Variants in LGR5 observed in about 807,000 individuals in gnomAD.
LGR5 encodes leucine-rich repeat-containing G protein-coupled receptor 5.
A neutral mutation model predicts 76.7 loss-of-function variants in LGR5; 54 were observed. That is an observed-to-expected ratio of 0.70 (90% CI 0.57 to 0.88). The LOEUF is 0.88. Among genes scored for constraint, LGR5 ranks in the 40% least tolerant of loss-of-function variants. The pLI is 0.00. For synonymous variants in LGR5, 406 were observed against 421.9 expected (o/e 0.96, Z 0.46); for missense variants, 1,078 against 1,073.3 (o/e 1.00, Z -0.06).
At chr12:71,529,265 C>T (rs912319571) in intron 3 of LGR5, among the ~76,000 whole-genome samples, 4 of 152,168 alleles carry the variant, frequency 2.6e-5, no homozygotes, top group African/African-American at 9.7e-5. Flanking sequence ...TTAATTGGCT[C>T]ACAGTTCTGC....
In LGR5 at chr12:71,553,138, G is replaced by A. The variant is rs1412029287; in HGVS notation, c.494G>A (p.Arg165Lys). 2 of 1,613,984 alleles carry A rather than the reference G, an allele frequency of 1.2e-6. No homozygotes were observed. ...TGTTTCAGTGGCCTGCATTCCCTGA[G>A]GCACCTGTGGCTGGATGACAATGCG... ...PSCFSGLHSL[R>K]HLWLDDNALT... Residue 165 changes from arginine (R) to lysine (K), a missense_variant, in exon 5 of 18, where the codon AGG (arginine) becomes AAG (lysine). By Grantham distance (26) the Arg-to-Lys change is conservative (BLOSUM62 2). Coordinates refer to ENST00000266674, the MANE Select transcript of LGR5 (RefSeq NM_003667.4).
At chr12:71,574,388 C>G (rs569413235) in intron 13 of LGR5, among the ~76,000 whole-genome samples, 2 of 151,668 alleles carry the variant, frequency 1.3e-5, no homozygotes, top group South Asian at 4.2e-4. Flanking sequence ...TCTGAATCCC[C>G]CTGAATTCCT....
intron 3 of LGR5, among the ~76,000 whole-genome samples, chr12:71,533,821 T>A (rs7303124): frequency 6.6e-6 from 1 of 151,952 alleles, no homozygotes; most frequent in Non-Finnish European, 1.5e-5. Flanking sequence ...TTTTCCAATC[T>A]CTAGTGGCAG....
chr12:71,566,917 G>GT lies in LGR5; in HGVS notation c.1070+6dup, dbSNP rs1285514025. ...GTTACCTAATCTCCAAGTGCTGTGCGTATCAGTAAGGCAATAATGTTGTGT... is the reference window on the plus strand; with the variant it reads ...GTTACCTAATCTCCAAGTGCTGTGCGTTATCAGTAAGGCAATAATGTTGTGT... On this transcript the variant is annotated splice_donor_region_variant and intron_variant, in intron 11 of 17. Coordinates refer to ENST00000266674, the MANE Select transcript of LGR5 (RefSeq NM_003667.4). 8.1e-6 allele frequency: 13 copies of GT among 1,603,644 alleles called. No homozygotes were observed. The highest frequency in any genetic ancestry group is 1.1e-5 in the Non-Finnish European group (13 of 1,170,584).
rs773795786 is a variant in LGR5 at position 71,584,578 on chromosome 12, T to C, written c.2568T>C (p.Asp856=). ...HPSLMSINSD[D]VEKQSCDSTQ... ...GCTTGATGTCAATTAACTCTGATGATGTCGAAAAACAGTCCTGTGACTCAA... is the reference window on the plus strand; with the variant it reads ...GCTTGATGTCAATTAACTCTGATGACGTCGAAAAACAGTCCTGTGACTCAA... The change falls in exon 18 of 18, where the codon GAT becomes GAC. Residue 856 remains aspartate (D), a synonymous_variant. Coordinates refer to ENST00000266674, the MANE Select transcript of LGR5 (RefSeq NM_003667.4). The C allele has an allele frequency of 6.8e-6, 11 of 1,614,002 alleles. 1 individual carries two copies. Among genetic ancestry groups the C allele is most frequent in the Middle Eastern group, 3.3e-4 (2 of 6,084 alleles).
intron 2 of LGR5, among the ~76,000 whole-genome samples, chr12:71,512,633 T>C (rs1448786593): frequency 3.3e-5 from 5 of 152,144 alleles, no homozygotes; most frequent in Non-Finnish European, 7.3e-5. Flanking sequence ...CAGGGACTCA[T>C]CAGTTGGTTG....
intron 2 of LGR5, among the ~76,000 whole-genome samples, chr12:71,505,792 T>C (rs1181274919): frequency 6.6e-6 from 1 of 152,200 alleles, no homozygotes; most frequent in Non-Finnish European, 1.5e-5. Context: ...TGTGATAAAA[T>C]TGGTATCAAG....
chr12:71,514,161 T>C (rs928064254), intron 2 of LGR5, among the ~76,000 whole-genome samples: 1 of 151,632 alleles, frequency 6.6e-6, no homozygotes, highest in Non-Finnish European at 1.5e-5. Flanking sequence ...GGGTAGAAAA[T>C]CAACCATTAT....
intron 1 of LGR5, among the ~76,000 whole-genome samples, chr12:71,452,798 C>T (rs79962542): frequency 0.019 from 2,894 of 152,272 alleles, 109 homozygotes; most frequent in African/African-American, 0.067. Flanking sequence ...TCAGTTTTCT[C>T]ATATGTAAGA....
At chr12:71,485,004 A>G (rs948278702) in intron 1 of LGR5, among the ~76,000 whole-genome samples, 1 of 152,222 alleles carries the variant, frequency 6.6e-6, no homozygotes, top group African/African-American at 2.4e-5. Context: ...GAATTATCCT[A>G]TAATTTAAAA....
intron 1 of LGR5, among the ~76,000 whole-genome samples, chr12:71,453,823 C>A (rs74101825): frequency 0.06 from 9,143 of 152,010 alleles, 954 homozygotes; most frequent in African/African-American, 0.21. Flanking sequence ...TTTCATGAGG[C>A]ACCTCAGTAC....
At chr12:71,504,406 G>C (rs571784616) in intron 1 of LGR5, among the ~76,000 whole-genome samples, 4 of 152,154 alleles carry the variant, frequency 2.6e-5, no homozygotes, top group Admixed American at 2.6e-4. Context: ...GTTCCTCCTA[G>C]GGTCTCTAAT....
Position 71,440,851 on chromosome 12 carries a change from C to G in LGR5, c.212+559C>G, listed in dbSNP as rs886981794. Among the ~76,000 whole-genome samples the G allele has an allele frequency of 3.3e-5, 5 of 151,956 alleles. No homozygotes were observed. Among genetic ancestry groups the G allele is most frequent in the Non-Finnish European group, 7.4e-5 (5 of 67,972 alleles). On this transcript the variant is annotated intron_variant, in intron 1 of 17. Coordinates refer to ENST00000266674, the MANE Select transcript of LGR5 (RefSeq NM_003667.4). The surrounding 1 kb of genome is among the most constrained non-coding windows in gnomAD (Gnocchi z 5.3). ...TCCTCCCTTCCTTCCTCCCTTCTTC[C>G]TTCCTTCCCTCCCTCCTTTCTTTTT... is the stretch of plus-strand genomic sequence containing the variant.
At position 71,469,125 on chromosome 12, in the gene LGR5, T is replaced by G. The variant is rs186469547; in HGVS notation, c.212+28833T>G. Reference sequence around the variant, plus strand: ...TCCAGAATGACTATGGGCACCATTTTCCTTCTACATTCATTCTCTGAGCAT... The same window carrying G: ...TCCAGAATGACTATGGGCACCATTTGCCTTCTACATTCATTCTCTGAGCAT... On this transcript the variant is annotated intron_variant, in intron 1 of 17. Transcript: ENST00000266674. Among the ~76,000 whole-genome samples the G allele has an allele frequency of 1.6e-4, 25 of 152,354 alleles. 1 individual carries two copies. In the East Asian group the frequency reaches 4.6e-3, roughly 28 times the overall value.
chr12:71,552,553 G>A (rs1263030866), intron 4 of LGR5, among the ~76,000 whole-genome samples: 3 of 143,090 alleles, frequency 2.1e-5, no homozygotes, highest in African/African-American at 2.8e-5. Flanking sequence ...CGACAAGAGC[G>A]AGAGACTTCG....
chr12:71,569,827 G>T (rs1878519013), intron 11 of LGR5, among the ~76,000 whole-genome samples: 2 of 152,144 alleles, frequency 1.3e-5, no homozygotes, highest in Admixed American at 1.3e-4. Context: ...CAAGGGAATA[G>T]AAATCATTGT....
At chr12:71,465,974 T>G (rs187553158) in intron 1 of LGR5, among the ~76,000 whole-genome samples, 1 of 152,368 alleles carries the variant, frequency 6.6e-6, no homozygotes, top group Non-Finnish European at 1.5e-5. Context: ...CATTGCACAA[T>G]GTCTAGCACA....
At chr12:71,480,841 T>C (rs1873566099) in intron 1 of LGR5, among the ~76,000 whole-genome samples, 1 of 152,154 alleles carries the variant, frequency 6.6e-6, no homozygotes, top group Non-Finnish European at 1.5e-5. Flanking sequence ...AAATAAGTGT[T>C]ACAGTACATT....
At chr12:71,489,401 T>G (rs934153043) in intron 1 of LGR5, among the ~76,000 whole-genome samples, 1 of 152,200 alleles carries the variant, frequency 6.6e-6, no homozygotes, top group Non-Finnish European at 1.5e-5. Flanking sequence ...ATTTGCATCC[T>G]TTTAGACAAC....
Sources: allele counts gnomAD v4.1 joint callset (sites outside exome capture counted in the v4.1 genomes callset), GRCh38; gene constraint gnomAD v4.1.1; non-coding constraint Gnocchi (gnomAD v3.1); transcripts MANE v1.5; gene names NCBI Gene and HGNC (gene_info 2026-07-23, HGNC 2026-07-21).